The following KCNQ2 variants were observed in gnomAD, a reference collection of about 807,000 sequenced individuals.
KCNQ2 encodes potassium voltage-gated channel subfamily Q member 2.
Under a neutral mutation model 84.8 loss-of-function variants are expected in KCNQ2, and 14 were observed. That is an observed-to-expected ratio of 0.17 (90% CI 0.11 to 0.26). KCNQ2 has a LOEUF of 0.26. Among genes scored for constraint, KCNQ2 ranks in the 10% least tolerant of loss-of-function variants. The pLI is 1.00. For missense variants in KCNQ2, 788 were observed against 1,254.0 expected (o/e 0.63, Z 5.61); for synonymous variants, 599 against 554.1 (o/e 1.08, Z -1.14).
chr20:63,456,502 C>T (rs1444784066), intron 1 of KCNQ2, among the ~76,000 whole-genome samples: 3 of 152,132 alleles, frequency 2.0e-5, no homozygotes, highest in Non-Finnish European at 4.4e-5. Context: ...GAAGGATGGG[C>T]GGGCAGGAGG....
chr20:63,465,422 A>T (rs1408407651), intron 1 of KCNQ2, among the ~76,000 whole-genome samples: 1 of 152,148 alleles, frequency 6.6e-6, no homozygotes, highest in Non-Finnish European at 1.5e-5. Flanking sequence ...AGGAGCCATC[A>T]AGGACAGAGC....
chr20:63,471,240 G>A (rs2082206280), intron 1 of KCNQ2: 1 of 152,314 alleles, frequency 6.6e-6, no homozygotes, highest in African/African-American at 2.4e-5. Flanking sequence ...GAGAGCAAGC[G>A]CCCTGGCGCG....
At chr20:63,429,849 T>C (rs533353150) in intron 9 of KCNQ2, among the ~76,000 whole-genome samples, 1 of 152,316 alleles carries the variant, frequency 6.6e-6, no homozygotes, top group South Asian at 2.1e-4. Context: ...AAGCCGTGCC[T>C]GGCCCCTCTT....
At chr20:63,426,743 C>T (rs1236952286) in intron 10 of KCNQ2, among the ~76,000 whole-genome samples, 1 of 152,106 alleles carries the variant, frequency 6.6e-6, no homozygotes, top group Admixed American at 6.6e-5. Context: ...GCCTTCCCTC[C>T]AGCTTCCAAC....
At chr20:63,439,429 G>C (rs777078554) in intron 6 of KCNQ2, among the ~76,000 whole-genome samples, 169 bp downstream of exon 6, 3 of 152,214 alleles carry the variant, frequency 2.0e-5, no homozygotes, top group Admixed American at 6.5e-5. Flanking sequence ...TGGGGAACAA[G>C]GCCTCTGACC....
Position 63,425,344 on chromosome 20 carries a change from C to T in KCNQ2, c.1218-1138G>A, listed in dbSNP as rs1032836236. On this transcript the variant is annotated intron_variant, in intron 10 of 16. Coordinates refer to ENST00000359125, the MANE Select transcript of KCNQ2 (RefSeq NM_172107.4). This position sits in a 1 kb window ranked among gnomAD's most constrained non-coding sequence, Gnocchi z 5.5. ...CCCAAAATTCATGTCCATCTTACAT[C>T]GAGAATACACTCACCCCTGCCAAGA... Among the ~76,000 whole-genome samples, 1 of 152,104 alleles carries T rather than the reference C, an allele frequency of 6.6e-6. No homozygotes were observed. The highest frequency in any genetic ancestry group is 1.9e-4 in the East Asian group (1 of 5,194).
intron 1 of KCNQ2, among the ~76,000 whole-genome samples, chr20:63,464,506 C>G (rs922567342): frequency 3.9e-5 from 6 of 152,128 alleles, no homozygotes; most frequent in African/African-American, 1.4e-4. Flanking sequence ...TGATGCCCCC[C>G]ACGCACAGCA....
intron 1 of KCNQ2, among the ~76,000 whole-genome samples, chr20:63,457,955 C>T (rs1359943434): frequency 1.3e-5 from 2 of 152,164 alleles, no homozygotes; most frequent in Non-Finnish European, 2.9e-5. Context: ...ACGGAAGCTC[C>T]GCAGGGCTCA....
intron 2 of KCNQ2, 33 bp from the exon 3 acceptor site, chr20:63,445,397 G>GC: frequency 6.2e-7 from 1 of 1,611,030 alleles, no homozygotes. Flanking sequence ...CCACCTTGAG[G>GC]CCTGGGGGAG....
At chr20:63,440,455 G>A (rs990134860) in intron 5 of KCNQ2, among the ~76,000 whole-genome samples, 16 of 152,174 alleles carry the variant, frequency 1.1e-4, no homozygotes, top group African/African-American at 3.9e-4. Flanking sequence ...TGGGGCCGCA[G>A]CCCACCCCCG....
In KCNQ2 at chr20:63,414,985, G is replaced by A; in HGVS notation, c.1443C>T (p.Pro481=). The A allele has an allele frequency of 1.9e-6, 3 of 1,611,960 alleles. No homozygotes were observed. Among genetic ancestry groups the A allele is most frequent in the Non-Finnish European group, 2.5e-6 (3 of 1,179,960 alleles). Residue 481 remains proline, a synonymous_variant, in exon 13 of 17, where the codon CCC becomes CCT. Coordinates refer to ENST00000359125, the MANE Select transcript of KCNQ2 (RefSeq NM_172107.4). This position sits in a 1 kb window ranked among gnomAD's most constrained non-coding sequence, Gnocchi z 6.6. ...TGCGGTCCCCGAAGCTCCAGCTCTT[G>A]GGCACCTTGCTGGGGCTGTCCTCGA... ...QSLEDSPSKV[P]KSWSFGDRSR...
At chr20:63,413,732 G>A in intron 14 of KCNQ2, 151 bp from the exon 15 acceptor site, 2 of 923,894 alleles carry the variant, frequency 2.2e-6, no homozygotes, top group Non-Finnish European at 3.4e-6. Context: ...CACACAGAAG[G>A]GCCTTTATGT....
rs2081926718 is a variant in KCNQ2, at chr20:63,460,742, G to T, written c.296+11426C>A. Among the ~76,000 whole-genome samples, 1 of 152,244 alleles carries T rather than the reference G, an allele frequency of 6.6e-6. No homozygotes were observed. The highest frequency in any genetic ancestry group is 1.5e-5 in the Non-Finnish European group (1 of 68,046). ...TCACATTCAGGCAGACCCGGGGCCT[G>T]CAGGACAGCCCTGGATGGGACACAT... On this transcript the variant is annotated intron_variant, in intron 1 of 16. Coordinates refer to ENST00000359125, the MANE Select transcript of KCNQ2 (RefSeq NM_172107.4). This position sits in a 1 kb window ranked among gnomAD's most constrained non-coding sequence, Gnocchi z 5.4.
chr20:63,430,170 A>T (rs998677412), intron 9 of KCNQ2, among the ~76,000 whole-genome samples: 4 of 152,220 alleles, frequency 2.6e-5, no homozygotes, highest in Non-Finnish European at 5.9e-5. Flanking sequence ...GCGCCAGGGC[A>T]GACAGGCGGG....
chr20:63,457,713 C>T (rs1228111376), intron 1 of KCNQ2, among the ~76,000 whole-genome samples: 2 of 152,252 alleles, frequency 1.3e-5, no homozygotes, highest in African/African-American at 4.8e-5. Context: ...CGCCCAAGGC[C>T]CACAGGGACC....
intron 4 of KCNQ2, among the ~76,000 whole-genome samples, chr20:63,443,914 A>G (rs8124672): frequency 0.47 from 71,648 of 152,034 alleles, 16,979 homozygotes; most frequent in Middle Eastern, 0.54. Flanking sequence ...GGGCTGGAGA[A>G]TCTTGGGACT....
intron 5 of KCNQ2, 64 bp downstream of exon 5, chr20:63,442,342 G>T: frequency 1.2e-6 from 2 of 1,612,186 alleles, no homozygotes; most frequent in African/African-American, 2.7e-5. Flanking sequence ...TGAGAGCCTG[G>T]TCCCAGCACA....
Position 63,400,618 on chromosome 20 carries a change from G to A in KCNQ2, c.*6026C>T. 1 of 398,668 alleles carries A rather than the reference G, an allele frequency of 2.5e-6. No individual in the cohort carries two copies. Among genetic ancestry groups the A allele is most frequent in the Non-Finnish European group, 4.4e-6 (1 of 226,070 alleles). 24.7% of individuals were successfully genotyped at this position (398,668 alleles called of 1,614,324 possible). Reference sequence around the variant, plus strand: ...TGTTCTTTGGAGCATGAACAAAAGTGCAGACAGCCAGAGGCAACGGCGCAA... The same window carrying A: ...TGTTCTTTGGAGCATGAACAAAAGTACAGACAGCCAGAGGCAACGGCGCAA... On this transcript the variant is annotated 3_prime_UTR_variant, in exon 17 of 17. Transcript: ENST00000359125. The surrounding 1 kb of genome is among the most constrained non-coding windows in gnomAD (Gnocchi z 8.7).
intron 5 of KCNQ2, among the ~76,000 whole-genome samples, chr20:63,441,980 C>CAGAT (rs1028607140): frequency 1.2e-4 from 19 of 152,262 alleles, no homozygotes; most frequent in Admixed American, 3.3e-4. Context: ...GCCCAGGGGC[C>CAGAT]AGATCTGTTC....
Sources: allele counts gnomAD v4.1 joint callset (sites outside exome capture counted in the v4.1 genomes callset), GRCh38; gene constraint gnomAD v4.1.1; non-coding constraint Gnocchi (gnomAD v3.1); transcripts MANE v1.5; gene names NCBI Gene and HGNC (gene_info 2026-07-23, HGNC 2026-07-21).